RALA: variants seen among roughly 807,000 people sequenced by gnomAD.
The protein encoded by RALA is ras-related protein Ral-A.
In RALA, 5 loss-of-function variants were observed where a neutral mutation model predicts 24.0. The ratio of observed to expected loss-of-function variants is 0.21; its 90% CI spans 0.11 to 0.44. RALA has a LOEUF of 0.44. Ranked by LOEUF, RALA falls within the 20% of genes least tolerant of loss-of-function variation. The pLI is 0.99. For missense variants in RALA, 95 were observed against 241.2 expected (o/e 0.39, Z 4.01); for synonymous variants, 77 against 83.8 (o/e 0.92, Z 0.44).
At chr7:39,661,231 T>C (rs1373448186) in intron 1 of RALA, among the ~76,000 whole-genome samples, 1 of 152,176 alleles carries the variant, frequency 6.6e-6, no homozygotes, top group East Asian at 1.9e-4. Context: ...AAGTTGAGAT[T>C]TGGGTGGGTA....
At chr7:39,687,859 CA>C (rs1792736156) in intron 2 of RALA, among the ~76,000 whole-genome samples, 1 of 152,182 alleles carries the variant, frequency 6.6e-6, no homozygotes, top group African/African-American at 2.4e-5. Context: ...CTGTGATGAG[CA>C]ACAAAGTGTT....
rs569883299 is a variant in RALA at position 39,690,246 on chromosome 7, A to G, written c.115-136A>G. ...AATTAAAATTAGTGTAGTTTTTACC[A>G]TTGGAGGAATCTGGGCAAAGGGTAT... On this transcript the variant is annotated intron_variant, in intron 2 of 4. Coordinates refer to ENST00000005257, the MANE Select transcript of RALA (RefSeq NM_005402.4). 6.0e-6 allele frequency: 4 copies of G among 662,824 alleles called. No homozygotes were observed. In the East Asian group the frequency reaches 8.6e-5, roughly 14 times the overall value. The allele number at this position is 662,824 out of a possible 1,614,324, so 41.1% of individuals were successfully genotyped here. A position where few individuals can be genotyped will look rare whatever the true frequency, so the allele number is the denominator to read the frequency against.
chr7:39,684,185 A>T (rs1226031450), intron 1 of RALA, among the ~76,000 whole-genome samples: 1 of 152,138 alleles, frequency 6.6e-6, no homozygotes, highest in Non-Finnish European at 1.5e-5. Flanking sequence ...AGAGTGGCTG[A>T]ATTTGTGTTT....
intron 1 of RALA, among the ~76,000 whole-genome samples, chr7:39,645,742 A>G (rs1320476054): frequency 6.6e-6 from 1 of 152,250 alleles, no homozygotes; most frequent in Non-Finnish European, 1.5e-5. Context: ...AAAGCTTTCC[A>G]TAAGTGACCA....
At chr7:39,698,732 TA>T (rs1212363975) in intron 4 of RALA, among the ~76,000 whole-genome samples, 4 of 152,088 alleles carry the variant, frequency 2.6e-5, no homozygotes, top group African/African-American at 9.7e-5. Context: ...TAGAAAGCTA[TA>T]TTGTAACAGT....
At chr7:39,704,995 G>A (rs997721089) in intron 4 of RALA, among the ~76,000 whole-genome samples, 3 of 152,096 alleles carry the variant, frequency 2.0e-5, no homozygotes, top group Non-Finnish European at 2.9e-5. Context: ...TTTTGAATAC[G>A]TAAAACACCT....
At chr7:39,680,319 T>A (rs1040093749) in intron 1 of RALA, among the ~76,000 whole-genome samples, 3 of 151,404 alleles carry the variant, frequency 2.0e-5, no homozygotes, top group Non-Finnish European at 2.9e-5. Flanking sequence ...GAGGTTGCAG[T>A]GAGCTGAGAT....
chr7:39,631,693 A>G (rs966129522), intron 1 of RALA, among the ~76,000 whole-genome samples: 1 of 152,028 alleles, frequency 6.6e-6, no homozygotes, highest in African/African-American at 2.4e-5. Flanking sequence ...TTTTGTTGCT[A>G]TTATAGTTTT....
intron 1 of RALA, among the ~76,000 whole-genome samples, chr7:39,670,642 T>C (rs1025086860): frequency 2.6e-5 from 4 of 152,250 alleles, no homozygotes; most frequent in Non-Finnish European, 4.4e-5. Flanking sequence ...TTCTAAACTA[T>C]ATCTTATTTT....
chr7:39,660,541 T>C (rs1792169624), intron 1 of RALA, among the ~76,000 whole-genome samples: 2 of 152,184 alleles, frequency 1.3e-5, no homozygotes, highest in African/African-American at 2.4e-5. Context: ...ACTTTTTCTT[T>C]TCACTTGCAT....
chr7:39,690,736 ACTCT>A, intron 3 of RALA, 146 bp downstream of exon 3: 1 of 636,234 alleles, frequency 1.6e-6, no homozygotes, highest in Admixed American at 3.0e-5. Flanking sequence ...TCAGTATATG[ACTCT>A]CTCTACTGTG....
intron 1 of RALA, among the ~76,000 whole-genome samples, chr7:39,632,198 G>A (rs953054226): frequency 1.3e-5 from 2 of 152,210 alleles, no homozygotes; most frequent in Admixed American, 1.3e-4. Context: ...ACTTGGAAGA[G>A]ACACACATCC....
intron 1 of RALA, among the ~76,000 whole-genome samples, chr7:39,676,165 C>T (rs941520354): frequency 2.6e-5 from 4 of 152,012 alleles, no homozygotes; most frequent in South Asian, 2.1e-4. Context: ...TTAGTAGATA[C>T]GGGGTTCCAC....
Position 39,682,574 on chromosome 7 carries a change from C to T in RALA, c.-37-4057C>T, listed in dbSNP as rs1235008726. 2.0e-5 allele frequency among the ~76,000 whole-genome samples: 3 copies of T among 152,320 alleles called. No individual in the cohort carries two copies. The East Asian group carries it at 5.8e-4, about 29-fold the overall frequency. On this transcript the variant is annotated intron_variant, in intron 1 of 4. Transcript: ENST00000005257. Reference sequence around the variant, plus strand: ...GCCTCTGCCTACCTGTCAATTTTACCTCCTCTTACTCTCCAGTCATTCACT... The same window carrying T: ...GCCTCTGCCTACCTGTCAATTTTACTTCCTCTTACTCTCCAGTCATTCACT...
intron 1 of RALA, among the ~76,000 whole-genome samples, chr7:39,682,618 G>A (rs1489432832): frequency 6.6e-6 from 1 of 152,138 alleles, no homozygotes; most frequent in Non-Finnish European, 1.5e-5. Flanking sequence ...TGGTTTAAAT[G>A]TGTCCTGCAA....
intron 1 of RALA, among the ~76,000 whole-genome samples, chr7:39,663,804 G>GA (rs1459052401): frequency 6.6e-6 from 1 of 151,944 alleles, no homozygotes; most frequent in African/African-American, 2.4e-5. Context: ...TGGGTCTAAC[G>GA]AAAAAAAGCC....
intron 1 of RALA, among the ~76,000 whole-genome samples, chr7:39,677,142 G>C (rs1034994151): frequency 6.6e-6 from 1 of 152,230 alleles, no homozygotes; most frequent in Non-Finnish European, 1.5e-5. Context: ...TGCGGCCAGG[G>C]GCCAAGGGAT....
Position 39,696,715 on chromosome 7 carries a change from G to C in RALA, c.354G>C (p.Glu118Asp). ...AGATTTTAAGAGTAAAAGAAGATGA[G>C]AATGTTCCATTTCTACTGGTTGGTA... ...REQILRVKED[E>D]NVPFLLVGNK... Residue 118 changes from glutamate to aspartate, a missense_variant, in exon 4 of 5, where the codon GAG becomes GAC. Coordinates refer to ENST00000005257, the MANE Select transcript of RALA (RefSeq NM_005402.4). The C allele has an allele frequency of 6.2e-7, 1 of 1,608,004 alleles. No homozygotes were observed. Among genetic ancestry groups the C allele is most frequent in the Non-Finnish European group, 8.5e-7 (1 of 1,176,568 alleles).
chr7:39,696,592 T>G, intron 3 of RALA, 93 bp from the exon 4 acceptor site: 1 of 1,028,032 alleles, frequency 9.7e-7, no homozygotes. Flanking sequence ...GTAGTAGATG[T>G]TAACAATAGG....
Sources: gnomAD v4.1 joint callset for allele counts (sites outside exome capture counted in the v4.1 genomes callset) on GRCh38, gnomAD v4.1.1 for gene constraint, MANE v1.5 for transcripts, NCBI Gene and HGNC (gene_info 2026-07-23, HGNC 2026-07-21) for gene names.